Variants in LVRN observed in about 807,000 individuals in gnomAD.
LVRN encodes aminopeptidase Q.
In LVRN, 99 loss-of-function variants were observed where a neutral mutation model predicts 111.4. The ratio of observed to expected loss-of-function variants is 0.89; its 90% CI spans 0.76 to 1.05. LVRN has a LOEUF of 1.05. Ranked by LOEUF, LVRN falls within the 50% of genes least tolerant of loss-of-function variation. The pLI is 0.00. For missense variants in LVRN, 1,414 were observed against 1,206.8 expected (o/e 1.17, Z -2.54); for synonymous variants, 488 against 449.5 (o/e 1.09, Z -1.08).
At chr5:116,002,683 G>A (rs1748261519) in intron 10 of LVRN, 152 bp from the exon 11 acceptor site, 2 of 535,382 alleles carry the variant, frequency 3.7e-6, no homozygotes, top group Non-Finnish European at 6.5e-6. Flanking sequence ...AAACAGTGGT[G>A]AGTAATCCTA....
intron 19 of LVRN, among the ~76,000 whole-genome samples, chr5:116,024,546 G>A (rs781388355): frequency 6.6e-6 from 1 of 152,184 alleles, no homozygotes; most frequent in Non-Finnish European, 1.5e-5. Flanking sequence ...GGAAAGAAAA[G>A]CACATTACAC....
At chr5:116,005,743 A>G (rs1424528747) in intron 12 of LVRN, 169 bp from the exon 13 acceptor site, 1 of 684,072 alleles carries the variant, frequency 1.5e-6, no homozygotes, top group Non-Finnish European at 2.7e-6. Context: ...TATGTATGAT[A>G]AATAAATTAT....
chr5:115,990,773 T>C (rs1429373859), intron 4 of LVRN, among the ~76,000 whole-genome samples: 2 of 152,200 alleles, frequency 1.3e-5, no homozygotes, highest in Non-Finnish European at 2.9e-5. Context: ...GGTTTCACTA[T>C]GTTGGCTAGG....
chr5:116,009,176 G>A (rs1481242593), intron 13 of LVRN, among the ~76,000 whole-genome samples: 2 of 152,118 alleles, frequency 1.3e-5, no homozygotes, highest in African/African-American at 4.8e-5. Context: ...CTCTGTAAGT[G>A]GAAAAACAAA....
chr5:115,975,242 C>T (rs1309150829), intron 1 of LVRN: 9 of 458,688 alleles, frequency 2.0e-5, no homozygotes, highest in Non-Finnish European at 3.9e-5. Flanking sequence ...CACCCCATGT[C>T]CAGCATATTG....
At chr5:115,988,042 C>CTAAATGGTGATGGTG in intron 4 of LVRN, 103 bp downstream of exon 4, 1 of 1,443,318 alleles carries the variant, frequency 6.9e-7, no homozygotes, top group Non-Finnish European at 9.3e-7. Context: ...TCACCATCAC[C>CTAAATGGTGATGGTG]ATTTAGCTGC....
In LVRN at chr5:115,997,493, G is replaced by A. The variant is rs78608774; in HGVS notation, c.1375-2269G>A. Among the ~76,000 whole-genome samples, 74 of 151,912 alleles carry A rather than the reference G, an allele frequency of 4.9e-4. No individual in the cohort carries two copies. In the East Asian group the frequency reaches 9.1e-3, roughly 19 times the overall value. The stretch of plus-strand genomic sequence containing the variant: ...AGCCTGGGCAACATAGTGAAATCTC[G>A]TCTCTACTAAAATTTTTTTAATTAG... On this transcript the variant is annotated intron_variant, in intron 6 of 19. Coordinates refer to ENST00000357872, the MANE Select transcript of LVRN (RefSeq NM_173800.5).
rs762389295 is a variant in LVRN, at chr5:116,002,905, A to G, written c.1891A>G (p.Ser631Gly). 2 of 1,599,408 alleles carry G rather than the reference A, an allele frequency of 1.3e-6. No homozygotes were observed. Among genetic ancestry groups the G allele is most frequent in the Non-Finnish European group, 1.7e-6 (2 of 1,168,636 alleles). Residue 631 changes from serine (S) to glycine (G), a missense_variant, in exon 11 of 20, where the codon AGC becomes GGC. Transcript: ENST00000357872. Reference protein sequence around the residue: ...TTQPLVWLDQSSKVFPEMQVS... With the variant: ...TTQPLVWLDQGSKVFPEMQVS... ...ACAACCTTTAGTCTGGCTAGATCAA[A>G]GCAGCAGTAAGTAACAAATTTTAAA...
chr5:116,006,830 C>G (rs1748385810), intron 13 of LVRN, among the ~76,000 whole-genome samples: 1 of 152,196 alleles, frequency 6.6e-6, no homozygotes, highest in South Asian at 2.1e-4. Context: ...ATCTTTCCCC[C>G]TGTCTTAGGT....
chr5:115,962,500 A>G lies in LVRN; in HGVS notation c.-118A>G. On this transcript the variant is annotated 5_prime_UTR_variant, in exon 1 of 20. Coordinates refer to ENST00000357872, the MANE Select transcript of LVRN (RefSeq NM_173800.5). Reference sequence around the variant, plus strand: ...AGTCCGTCCAGGCTCTTCCAGGAGGAAGAGGCACGATACAAGAGAGGAGGG... The same window carrying G: ...AGTCCGTCCAGGCTCTTCCAGGAGGGAGAGGCACGATACAAGAGAGGAGGG... 1.1e-6 allele frequency: 1 copy of G among 914,226 alleles called. No individual in the cohort carries two copies. The highest frequency in any genetic ancestry group is 1.7e-6 in the Non-Finnish European group (1 of 594,928). The allele number at this position is 914,226 out of a possible 1,614,324, so 56.6% of individuals were successfully genotyped here.
In LVRN at chr5:115,993,749, A is replaced by C. The variant is rs751586483; in HGVS notation, c.1269A>C (p.Gly423=). Residue 423 remains glycine (G), a synonymous_variant, in exon 6 of 20, where the codon GGA becomes GGC. Coordinates refer to ENST00000357872, the MANE Select transcript of LVRN (RefSeq NM_173800.5). The part of the protein sequence containing the change: ...VSHEIGHQWF[G]NLVTMNWWNN... ...CTTCTCATTTCCAAAAGTGGTTTGG[A>C]AACTTGGTTACCATGAATTGGTGGA... The C allele has an allele frequency of 1.4e-5, 22 of 1,602,030 alleles. No individual in the cohort carries two copies. In the South Asian group the frequency reaches 2.5e-4, roughly 18 times the overall value.
chr5:115,983,893 T>C (rs1453039900), intron 2 of LVRN, among the ~76,000 whole-genome samples: 1 of 152,210 alleles, frequency 6.6e-6, no homozygotes, highest in Non-Finnish European at 1.5e-5. Context: ...TACGTGGCAG[T>C]GATCAGTGAC....
intron 15 of LVRN, among the ~76,000 whole-genome samples, chr5:116,012,836 A>T (rs1748520268): frequency 6.6e-6 from 1 of 152,230 alleles, no homozygotes; most frequent in Non-Finnish European, 1.5e-5. Flanking sequence ...AAAAGGTCCC[A>T]TCTGTATTTT....
In LVRN at chr5:115,962,649, T is replaced by C. The variant is rs866059041; in HGVS notation, c.32T>C (p.Val11Ala). The C allele has an allele frequency of 1.2e-5, 19 of 1,606,680 alleles. No individual in the cohort carries two copies. Among genetic ancestry groups the C allele is most frequent in the African/African-American group, 2.7e-5 (2 of 74,782 alleles). The change falls in exon 1 of 20, where the codon GTG becomes GCG. Residue 11 changes from valine (V) to alanine (A), a missense_variant. Physicochemically the swap from Val to Ala is moderately conservative, Grantham distance 64 (BLOSUM62 0). Transcript: ENST00000357872. MGPPSSSGFY[V>A]SRAVALLLAG... ...CCCCCTTCCAGCTCAGGCTTCTATG[T>C]GAGCCGCGCAGTGGCCCTGCTGCTG...
At chr5:115,965,221 C>T (rs1045464573) in intron 1 of LVRN, among the ~76,000 whole-genome samples, 4 of 152,172 alleles carry the variant, frequency 2.6e-5, no homozygotes, top group Admixed American at 6.6e-5. Flanking sequence ...GTTATCTAAA[C>T]GCAGAACCTG....
At chr5:115,968,975 C>T (rs889668287) in intron 1 of LVRN, among the ~76,000 whole-genome samples, 9 of 152,058 alleles carry the variant, frequency 5.9e-5, no homozygotes, top group Non-Finnish European at 1.0e-4. Context: ...AAGCAATAGC[C>T]CAGATGAGGG....
At position 115,987,930 on chromosome 5, in the gene LVRN, C is replaced by A. The variant is rs1366177935; in HGVS notation, c.1096C>A (p.Pro366Thr). The A allele has an allele frequency of 1.2e-6, 2 of 1,608,560 alleles. No homozygotes were observed. Among genetic ancestry groups the A allele is most frequent in the Non-Finnish European group, 1.7e-6 (2 of 1,178,314 alleles). ...TTTGTTTAATATCAGTTACTCTCTT[C>A]CAAAAACAGGTGAGGTAATCTTTTC... ...EDLFNISYSL[P>T]KTDIIALPSF... Residue 366 changes from proline to threonine, a missense_variant, in exon 4 of 20, where the codon CCA (proline) becomes ACA (threonine). Pro to Thr is a conservative substitution (Grantham distance 38). Transcript: ENST00000357872.
intron 11 of LVRN, 61 bp downstream of exon 11, chr5:116,002,972 A>G (rs994497135): frequency 3.0e-6 from 4 of 1,330,504 alleles, no homozygotes; most frequent in Non-Finnish European, 4.2e-6. Flanking sequence ...AGGGAATAAA[A>G]TATTGAAAAG....
intron 7 of LVRN, among the ~76,000 whole-genome samples, chr5:116,000,179 C>G (rs1434092350): frequency 1.3e-5 from 2 of 152,156 alleles, no homozygotes; most frequent in Admixed American, 6.5e-5. Context: ...TTTATTCTTG[C>G]TATGTAAAGA....
Sources: gnomAD v4.1 joint callset for allele counts (sites outside exome capture counted in the v4.1 genomes callset) on GRCh38, gnomAD v4.1.1 for gene constraint, MANE v1.5 for transcripts, NCBI Gene and HGNC (gene_info 2026-07-23, HGNC 2026-07-21) for gene names.